PKHD1L1: variants seen among roughly 807,000 people sequenced by gnomAD.
The protein encoded by PKHD1L1 is PKHD1 like 1.
In PKHD1L1, 434 loss-of-function variants were observed where a neutral mutation model predicts 462.9. That is an observed-to-expected ratio of 0.94 (90% CI 0.87 to 1.02). The LOEUF is 1.02. Among genes scored for constraint, PKHD1L1 ranks in the 50% least tolerant of loss-of-function variants. PKHD1L1 has a pLI of 0.00. For missense variants in PKHD1L1, 5,202 were observed against 5,096.1 expected, an observed-to-expected ratio of 1.02 and a Z score of -0.63; for synonymous variants, 1,781 against 1,750.0, an observed-to-expected ratio of 1.02 and a Z score of -0.44.
rs775113890 is a variant in PKHD1L1, at chr8:109,448,160, A to G, written c.5794A>G (p.Ile1932Val). Residue 1932 changes from isoleucine (I) to valine (V), a missense_variant, in exon 39 of 78, where the codon ATT (isoleucine) becomes GTT (valine). Transcript: ENST00000378402. Reference sequence around the variant, plus strand: ...TTTTTAAGGTCCACCAGGAACTGAAATTGAGATCACTGGATCCAACTTTGG... The same window carrying G: ...TTTTTAAGGTCCACCAGGAACTGAAGTTGAGATCACTGGATCCAACTTTGG... Reference protein sequence around the residue: ...IPSRGPPGTEIEITGSNFGFE... With the variant: ...IPSRGPPGTEVEITGSNFGFE... The G allele has an allele frequency of 1.2e-6, 2 of 1,607,486 alleles. No homozygotes were observed. Among genetic ancestry groups the G allele is most frequent in the South Asian group, 1.1e-5 (1 of 90,016 alleles).
intron 72 of PKHD1L1, among the ~76,000 whole-genome samples, chr8:109,516,232 G>T (rs1337270980): frequency 6.6e-6 from 1 of 152,092 alleles, no homozygotes; most frequent in Non-Finnish European, 1.5e-5. Context: ...AGTTCAGTCT[G>T]CCATAACAAA....
At chr8:109,389,806 G>A (rs1397473695) in intron 8 of PKHD1L1, among the ~76,000 whole-genome samples, 1 of 152,064 alleles carries the variant, frequency 6.6e-6, no homozygotes, top group Admixed American at 6.6e-5. Context: ...GGGATTACAG[G>A]GGTGAGCCAA....
intron 61 of PKHD1L1, among the ~76,000 whole-genome samples, chr8:109,491,593 C>T (rs1818829333): frequency 6.6e-6 from 1 of 151,660 alleles, no homozygotes; most frequent in Admixed American, 6.6e-5. Flanking sequence ...TATATGAAAG[C>T]TGTGGGTGTG....
intron 62 of PKHD1L1, 24 bp from the exon 63 acceptor site, chr8:109,493,637 A>ATT: frequency 3.6e-6 from 5 of 1,393,922 alleles, no homozygotes; most frequent in South Asian, 2.6e-5. Flanking sequence ...GATGCACAGT[A>ATT]TTTTTTTTTA....
chr8:109,372,773 T>C (rs907054557), intron 2 of PKHD1L1, among the ~76,000 whole-genome samples: 7 of 152,232 alleles, frequency 4.6e-5, no homozygotes, highest in Non-Finnish European at 7.3e-5. Context: ...CATGTGGTTT[T>C]TGTCTTTGGT....
intron 71 of PKHD1L1, among the ~76,000 whole-genome samples, chr8:109,512,576 C>A: frequency 6.6e-6 from 1 of 150,518 alleles, no homozygotes; most frequent in Non-Finnish European, 1.5e-5. Context: ...GGTACCAGTA[C>A]CATGCTGTTT....
intron 2 of PKHD1L1, among the ~76,000 whole-genome samples, chr8:109,381,012 G>T (rs951529034): frequency 6.6e-6 from 1 of 152,048 alleles, no homozygotes; most frequent in Non-Finnish European, 1.5e-5. Flanking sequence ...AACCAACTGC[G>T]AATGGGAAAT....
chr8:109,507,213 A>T (rs938904696), intron 68 of PKHD1L1, among the ~76,000 whole-genome samples: 4 of 152,164 alleles, frequency 2.6e-5, no homozygotes. Context: ...ATAGTAAGCA[A>T]TAATTTCATA....
Position 109,456,380 on chromosome 8 carries a change from C to A in PKHD1L1, c.6993C>A (p.Ser2331Arg). The change falls in exon 46 of 78, where the codon AGC becomes AGA. Residue 2331 changes from serine (S) to arginine (R), a missense_variant. Coordinates refer to ENST00000378402, the MANE Select transcript of PKHD1L1 (RefSeq NM_177531.6). ...CAGGAGATAACATTGTAATTGCAAG[C>A]ACAGGACACAGGTATGATATCTTCT... ...WKPGDNIVIA[S>R]TGHRHSQGEN... is the part of the protein sequence containing the mutation. The A allele has an allele frequency of 6.2e-7, 1 of 1,605,184 alleles. No homozygotes were observed.
intron 2 of PKHD1L1, among the ~76,000 whole-genome samples, chr8:109,364,992 G>A (rs1811160227): frequency 6.6e-6 from 1 of 152,086 alleles, no homozygotes; most frequent in Admixed American, 6.6e-5. Context: ...TGGGTGTTGG[G>A]TAGAATGTTG....
intron 41 of PKHD1L1, 124 bp from the exon 42 acceptor site, chr8:109,452,000 T>C (rs976810301): frequency 1.0e-5 from 8 of 779,352 alleles, no homozygotes; most frequent in Non-Finnish European, 1.5e-5. Context: ...CAATCTACAC[T>C]TTGGTGGCTG....
chr8:109,505,779 C>A (rs779341545), intron 68 of PKHD1L1, among the ~76,000 whole-genome samples: 17 of 152,034 alleles, frequency 1.1e-4, no homozygotes, highest in Non-Finnish European at 2.1e-4. Context: ...GTGGTGTACA[C>A]CTGTGGTCCT....
intron 38 of PKHD1L1, 48 bp downstream of exon 38, chr8:109,445,693 AT>A (rs1816099566): frequency 1.4e-6 from 2 of 1,454,806 alleles, no homozygotes; most frequent in African/African-American, 2.8e-5. Context: ...TATCGATAAT[AT>A]TTATTAGTAT....
chr8:109,451,241 C>T (rs1816479702), intron 41 of PKHD1L1, 92 bp downstream of exon 41: 1 of 1,340,822 alleles, frequency 7.5e-7, no homozygotes. Context: ...TGCAGAAATA[C>T]AGTCATGCAA....
intron 57 of PKHD1L1, among the ~76,000 whole-genome samples, chr8:109,483,452 T>C (rs913512212): frequency 6.7e-6 from 1 of 149,050 alleles, no homozygotes; most frequent in Non-Finnish European, 1.5e-5. Flanking sequence ...ATATTATGTA[T>C]ATACAAGCTA....
At position 109,436,335 on chromosome 8, in the gene PKHD1L1, A is replaced by C; in HGVS notation, c.3506-3A>C. On this transcript the variant is annotated splice_region_variant and splice_polypyrimidine_tract_variant and intron_variant, in intron 29 of 77. Transcript: ENST00000378402. ...GTTGTTTTTGTTTGCTTTTCTTATG[A>C]AGGTGGTACTCTACTGACTTTATCT... 2 of 1,602,216 alleles carry C rather than the reference A, an allele frequency of 1.2e-6. No homozygotes were observed. Among genetic ancestry groups the C allele is most frequent in the Middle Eastern group, 3.6e-4 (2 of 5,544 alleles).
At chr8:109,421,189 TAA>T (rs1353296045) in intron 23 of PKHD1L1, among the ~76,000 whole-genome samples, 1 of 151,774 alleles carries the variant, frequency 6.6e-6, no homozygotes, top group African/African-American at 2.4e-5. Context: ...ATGAAAAATT[TAA>T]AATTAAATTT....
At chr8:109,489,207 A>T (rs957520136) in intron 59 of PKHD1L1, among the ~76,000 whole-genome samples, 1 of 151,930 alleles carries the variant, frequency 6.6e-6, no homozygotes, top group African/African-American at 2.4e-5. Flanking sequence ...CCTATTAAGT[A>T]TCAGTTTTTG....
intron 1 of PKHD1L1, among the ~76,000 whole-genome samples, chr8:109,362,911 A>G (rs1443998623): frequency 6.6e-6 from 1 of 152,144 alleles, no homozygotes; most frequent in African/African-American, 2.4e-5. Flanking sequence ...CAATGCTGCT[A>G]CTTGAATGAT....
Sources: allele counts gnomAD v4.1 joint callset (sites outside exome capture counted in the v4.1 genomes callset), GRCh38; gene constraint gnomAD v4.1.1; transcripts MANE v1.5; gene names NCBI Gene and HGNC (gene_info 2026-07-23, HGNC 2026-07-21).